The following KCTD16 variants were observed in gnomAD, a reference collection of about 807,000 sequenced individuals.
KCTD16 encodes BTB/POZ domain-containing protein KCTD16.
A neutral mutation model predicts 33.2 loss-of-function variants in KCTD16; 13 were observed. The ratio of observed to expected loss-of-function variants is 0.39; its 90% CI spans 0.25 to 0.62. The LOEUF is 0.62. Ranked by LOEUF, KCTD16 falls within the 20% of genes least tolerant of loss-of-function variation. The pLI is 0.50. For synonymous variants in KCTD16, 197 were observed against 195.3 expected, an observed-to-expected ratio of 1.01 and a Z score of -0.07; for missense variants, 441 against 525.1, an observed-to-expected ratio of 0.84 and a Z score of 1.57.
chr5:144,389,177 G>A (rs1752396313), intron 3 of KCTD16, among the ~76,000 whole-genome samples: 1 of 152,162 alleles, frequency 6.6e-6, no homozygotes, highest in South Asian at 2.1e-4. Flanking sequence ...ATAAATTGTT[G>A]CTGAAGGTAG....
chr5:144,326,101 A>C (rs902456043), intron 3 of KCTD16, among the ~76,000 whole-genome samples: 3 of 152,198 alleles, frequency 2.0e-5, no homozygotes, highest in Admixed American at 1.3e-4. Flanking sequence ...CAGAGAACTC[A>C]ACTCAGGTCA....
At chr5:144,233,550 T>G (rs1409032578) in intron 3 of KCTD16, among the ~76,000 whole-genome samples, 1 of 152,112 alleles carries the variant, frequency 6.6e-6, no homozygotes, top group Admixed American at 6.5e-5. Flanking sequence ...ATCCAAACCC[T>G]TTTTGCTTGT....
chr5:144,461,735 C>T (rs1226348633), intron 3 of KCTD16, among the ~76,000 whole-genome samples: 3 of 152,216 alleles, frequency 2.0e-5, no homozygotes, highest in East Asian at 3.8e-4. Flanking sequence ...ACCTTTGCCA[C>T]CCTCACACTC....
intron 2 of KCTD16, among the ~76,000 whole-genome samples, chr5:144,179,822 G>C (rs1297764734): frequency 6.6e-6 from 1 of 152,166 alleles, no homozygotes; most frequent in Non-Finnish European, 1.5e-5. Flanking sequence ...AAATAATGTT[G>C]TTTGTGGTAT....
intron 3 of KCTD16, among the ~76,000 whole-genome samples, chr5:144,359,847 A>C (rs1197117625): frequency 1.3e-5 from 2 of 151,990 alleles, no homozygotes; most frequent in Non-Finnish European, 2.9e-5. Flanking sequence ...AAGTCAATGG[A>C]TGTGCCCCTC....
At chr5:144,431,787 A>G (rs918421185) in intron 3 of KCTD16, among the ~76,000 whole-genome samples, 5 of 152,192 alleles carry the variant, frequency 3.3e-5, no homozygotes, top group Admixed American at 6.6e-5. Flanking sequence ...CAAAATAGAT[A>G]ATACATGCAC....
At position 144,466,949 on chromosome 5, in the gene KCTD16, CTATATATAT is replaced by C. The variant is rs568832627; in HGVS notation, c.833-6693_833-6685del. The stretch of plus-strand genomic sequence containing the variant: ...TCTGGTTTGGAAGAGTTAACCGTTA[CTATATATAT>C]TATATATATTATATATAATATATAT... On this transcript the variant is annotated intron_variant, in intron 3 of 3. Coordinates refer to ENST00000512467, the MANE Select transcript of KCTD16 (RefSeq NM_020768.4). Among the ~76,000 whole-genome samples, 86 of 133,084 alleles carry C rather than the reference CTATATATAT, an allele frequency of 6.5e-4. 1 individual carries two copies. The highest frequency in any genetic ancestry group is 3.8e-3 in the Middle Eastern group (1 of 260). The allele number at this position is 133,084 out of a possible 152,430, so 87.3% of individuals were successfully genotyped here. A position where few individuals can be genotyped will look rare whatever the true frequency, so the allele number is the denominator to read the frequency against.
At chr5:144,215,899 A>C (rs1181086398) in intron 3 of KCTD16, among the ~76,000 whole-genome samples, 1 of 152,228 alleles carries the variant, frequency 6.6e-6, no homozygotes, top group Non-Finnish European at 1.5e-5. Flanking sequence ...TATAAGAAGA[A>C]GTTTTAGCTA....
At chr5:144,268,606 A>C (rs1234286492) in intron 3 of KCTD16, among the ~76,000 whole-genome samples, 1 of 152,206 alleles carries the variant, frequency 6.6e-6, no homozygotes, top group Non-Finnish European at 1.5e-5. Flanking sequence ...TAATTTTAAA[A>C]AGTAGACCCT....
chr5:144,179,057 A>G (rs937553975), intron 2 of KCTD16, among the ~76,000 whole-genome samples: 15 of 152,232 alleles, frequency 9.9e-5, no homozygotes, highest in African/African-American at 3.6e-4. Flanking sequence ...AGGAACCTTG[A>G]GAGAATTCAT....
intron 3 of KCTD16, among the ~76,000 whole-genome samples, chr5:144,250,235 G>A (rs550271536): frequency 2.0e-5 from 3 of 152,266 alleles, no homozygotes; most frequent in South Asian, 4.1e-4. Context: ...TGCAACGTGA[G>A]GAATTGTGAG....
intron 3 of KCTD16, among the ~76,000 whole-genome samples, chr5:144,237,822 C>T (rs184761118): frequency 5.9e-5 from 9 of 152,240 alleles, no homozygotes; most frequent in African/African-American, 1.9e-4. Context: ...GTAAGACCCA[C>T]ACTAAGTTCA....
chr5:144,421,616 G>A (rs1166256152), intron 3 of KCTD16, among the ~76,000 whole-genome samples: 1 of 152,150 alleles, frequency 6.6e-6, no homozygotes, highest in Admixed American at 6.6e-5. Context: ...GTGACAGAGT[G>A]TAGCAGAGAG....
chr5:144,375,597 T>C (rs866181412), intron 3 of KCTD16, among the ~76,000 whole-genome samples: 1 of 152,184 alleles, frequency 6.6e-6, no homozygotes, highest in African/African-American at 2.4e-5. Context: ...ACCTGAGTAC[T>C]TGAAAGGTTC....
chr5:144,430,564 A>T (rs78600182), intron 3 of KCTD16, among the ~76,000 whole-genome samples: 1,597 of 152,236 alleles, frequency 0.01, 27 homozygotes, highest in African/African-American at 0.036. Context: ...TAAATTAGGG[A>T]TGGCAAATTG....
At chr5:144,426,282 C>A (rs998585755) in intron 3 of KCTD16, among the ~76,000 whole-genome samples, 1 of 152,160 alleles carries the variant, frequency 6.6e-6, no homozygotes, top group Admixed American at 6.5e-5. Flanking sequence ...TTGTTCCTCA[C>A]TTCCATTTGA....
intron 3 of KCTD16, among the ~76,000 whole-genome samples, chr5:144,327,574 A>T (rs1752243189): frequency 2.0e-5 from 3 of 152,126 alleles, no homozygotes; most frequent in Admixed American, 2.0e-4. Context: ...CTTTCTACAG[A>T]TAATCACTGT....
chr5:144,252,350 G>C (rs1561543520), intron 3 of KCTD16, among the ~76,000 whole-genome samples: 1 of 152,120 alleles, frequency 6.6e-6, no homozygotes. Flanking sequence ...TAAAACCAAA[G>C]CAGAGTTAAT....
intron 3 of KCTD16, among the ~76,000 whole-genome samples, chr5:144,433,552 T>G (rs149375913): frequency 6.6e-6 from 1 of 152,262 alleles, no homozygotes; most frequent in East Asian, 1.9e-4. Flanking sequence ...AAAACATGTA[T>G]GCAGGCAGGC....
Sources: gnomAD v4.1 joint callset for allele counts (sites outside exome capture counted in the v4.1 genomes callset) on GRCh38, gnomAD v4.1.1 for gene constraint, MANE v1.5 for transcripts, NCBI Gene and HGNC (gene_info 2026-07-23, HGNC 2026-07-21) for gene names.